The following ATL1 variants were observed in gnomAD, a reference collection of about 807,000 sequenced individuals.
The protein encoded by ATL1 is atlastin GTPase 1.
ATL1 carries 31 observed loss-of-function variants against 75.5 expected under a neutral mutation model. The observed-to-expected ratio is 0.41, with a 90% CI of 0.31 to 0.55. ATL1 has a LOEUF of 0.55. Ranked by LOEUF, ATL1 falls within the 20% of genes least tolerant of loss-of-function variation. The pLI is 0.27. For missense variants in ATL1, 405 were observed against 662.6 expected, an observed-to-expected ratio of 0.61 and a Z score of 4.27; for synonymous variants, 226 against 233.3, an observed-to-expected ratio of 0.97 and a Z score of 0.28.
chr14:50,537,257 G>C (rs964565553), intron 1 of ATL1, among the ~76,000 whole-genome samples: 1 of 152,252 alleles, frequency 6.6e-6, no homozygotes, highest in African/African-American at 2.4e-5. Context: ...AGCCTTGGCA[G>C]CTTCCACGTG....
intron 13 of ATL1, among the ~76,000 whole-genome samples, chr14:50,631,254 C>A (rs2039577103): frequency 6.8e-6 from 1 of 146,144 alleles, no homozygotes. Context: ...AGTGAGATTC[C>A]AACTCAAAAA....
intron 6 of ATL1, among the ~76,000 whole-genome samples, chr14:50,598,316 T>G (rs2039240402): frequency 6.6e-6 from 1 of 152,174 alleles, no homozygotes; most frequent in African/African-American, 2.4e-5. Flanking sequence ...TATGGAAGAA[T>G]TAAGTCTTGT....
intron 6 of ATL1, among the ~76,000 whole-genome samples, chr14:50,601,672 T>G (rs2039273195): frequency 6.6e-6 from 1 of 152,218 alleles, no homozygotes; most frequent in African/African-American, 2.4e-5. Context: ...GTTCTCTAAG[T>G]GACATTAGTT....
At chr14:50,615,681 T>G (rs2039408094) in intron 8 of ATL1, among the ~76,000 whole-genome samples, 1 of 152,216 alleles carries the variant, frequency 6.6e-6, no homozygotes, top group East Asian at 1.9e-4. Flanking sequence ...TCCAACCCAC[T>G]AGTGGATGCA....
rs746330841 is a variant in ATL1 at position 50,613,282 on chromosome 14, C to T, written c.654C>T (p.Asp218=). The change falls in exon 7 of 14, where the codon GAC becomes GAT. Residue 218 remains aspartate (D), a synonymous_variant. Coordinates refer to ENST00000358385, the MANE Select transcript of ATL1 (RefSeq NM_015915.5). ...PFQSLIFLVR[D]WSFPYEFSYG... is the part of the protein sequence containing the mutation. ...AGAGTCTGATATTTCTTGTTCGAGA[C>T]TGGAGTTTCCCATACGAATTTTCAT... 6 of 1,613,108 alleles carry T rather than the reference C, an allele frequency of 3.7e-6. No homozygotes were observed. The East Asian group carries it at 6.7e-5, about 18-fold the overall frequency.
chr14:50,593,814 T>C, intron 4 of ATL1, 32 bp from the exon 5 acceptor site: 1 of 1,435,700 alleles, frequency 7.0e-7, no homozygotes, highest in Non-Finnish European at 9.8e-7. Context: ...ATGCCAGTTA[T>C]CTTATCATTG....
intron 5 of ATL1, 133 bp downstream of exon 5, chr14:50,594,029 G>A: frequency 1.4e-6 from 1 of 708,908 alleles, no homozygotes; most frequent in Non-Finnish European, 2.5e-6. Flanking sequence ...GGCCCAATTA[G>A]CTGCCTGGTA....
chr14:50,558,071 T>C (rs746546182), upstream of ATL1, among the ~76,000 whole-genome samples: 1 of 152,076 alleles, frequency 6.6e-6, no homozygotes, highest in Non-Finnish European at 1.5e-5. Context: ...GGACTCAACA[T>C]AGAAAAGTGG....
intron 1 of ATL1, among the ~76,000 whole-genome samples, chr14:50,567,368 G>A (rs2038914359): frequency 6.6e-6 from 1 of 152,044 alleles, no homozygotes; most frequent in Non-Finnish European, 1.5e-5. Context: ...TTCATCTGTT[G>A]ACAGACACTG....
chr14:50,560,630 C>A (rs2038828614), intron 1 of ATL1: 1 of 380,780 alleles, frequency 2.6e-6, no homozygotes, highest in African/African-American at 2.1e-5. Flanking sequence ...CCTTAGCGAT[C>A]GGTTGGGAGG....
intron 1 of ATL1, among the ~76,000 whole-genome samples, chr14:50,545,579 A>G (rs552119745): frequency 1.3e-5 from 2 of 152,350 alleles, no homozygotes; most frequent in Admixed American, 1.3e-4. Flanking sequence ...GTTAAAGTAC[A>G]ATAAGAATAG....
In ATL1 at chr14:50,627,504, C is replaced by T. The variant is rs755463480; in HGVS notation, c.1120-527C>T. On this transcript the variant is annotated intron_variant, in intron 11 of 13. Coordinates refer to ENST00000358385, the MANE Select transcript of ATL1 (RefSeq NM_015915.5). ...TTATTCAAGAACATTTAATATACTCCTAACTTAGTTTCTGGAAGAAAATAC... is the reference window on the plus strand; with the variant it reads ...TTATTCAAGAACATTTAATATACTCTTAACTTAGTTTCTGGAAGAAAATAC... 7.2e-5 allele frequency among the ~76,000 whole-genome samples: 11 copies of T among 152,256 alleles called. No homozygotes were observed. In the East Asian group the frequency reaches 1.7e-3, roughly 24 times the overall value.
chr14:50,574,942 T>C (rs1260247898), intron 1 of ATL1, among the ~76,000 whole-genome samples: 1 of 76,344 alleles, frequency 1.3e-5, no homozygotes, highest in African/African-American at 5.3e-5. Flanking sequence ...TGTGTGTATA[T>C]ATATATATAT....
intron 1 of ATL1, among the ~76,000 whole-genome samples, chr14:50,544,531 G>A (rs546831468): frequency 4.6e-5 from 7 of 152,280 alleles, no homozygotes; most frequent in African/African-American, 1.7e-4. Flanking sequence ...TATTAACAGG[G>A]TACACAAGAC....
Position 50,590,989 on chromosome 14 carries a change from T to A in ATL1, c.331T>A (p.Ser111Thr). The A allele has an allele frequency of 6.2e-7, 1 of 1,613,958 alleles. No individual in the cohort carries two copies. The highest frequency in any genetic ancestry group is 8.5e-7 in the Non-Finnish European group (1 of 1,179,894). Residue 111 changes from serine (S) to threonine (T), a missense_variant, in exon 3 of 14, where the codon TCA becomes ACA. Coordinates refer to ENST00000358385, the MANE Select transcript of ATL1 (RefSeq NM_015915.5). ...GDYNEPLTGFSWRGGSERETT... is the reference protein window; with the variant it reads ...GDYNEPLTGFTWRGGSERETT... ...CTACAATGAACCATTGACTGGTTTTTCATGGAGAGGTGGATCTGAGCGAGA... is the reference window on the plus strand; with the variant it reads ...CTACAATGAACCATTGACTGGTTTTACATGGAGAGGTGGATCTGAGCGAGA...
intron 1 of ATL1, among the ~76,000 whole-genome samples, chr14:50,570,266 A>G (rs1411357407): frequency 6.6e-6 from 1 of 152,048 alleles, no homozygotes; most frequent in East Asian, 1.9e-4. Context: ...CAATGACTTG[A>G]TAATTTCTAT....
At chr14:50,620,775 T>C (rs759502574) in intron 9 of ATL1, 49 bp downstream of exon 9, 6 of 1,604,340 alleles carry the variant, frequency 3.7e-6, no homozygotes, top group Non-Finnish European at 5.1e-6. Flanking sequence ...TGACATATAT[T>C]GGATCGTAAT....
chr14:50,628,028 C>T lies in ATL1; in HGVS notation c.1120-3C>T. On this transcript the variant is annotated splice_polypyrimidine_tract_variant and splice_region_variant and intron_variant, in intron 11 of 13. Transcript: ENST00000358385. Reference sequence around the variant, plus strand: ...TAAACAAATACTTCTCTATCTGATACAGATTTGTGGTGGTGACAAACCATT... The same window carrying T: ...TAAACAAATACTTCTCTATCTGATATAGATTTGTGGTGGTGACAAACCATT... 6.2e-7 allele frequency: 1 copy of T among 1,614,088 alleles called. No homozygotes were observed. Among genetic ancestry groups the T allele is most frequent in the East Asian group, 2.2e-5 (1 of 44,884 alleles).
chr14:50,595,381 C>T (rs548479570), intron 5 of ATL1, among the ~76,000 whole-genome samples, 195 bp from the exon 6 acceptor site: 4 of 152,134 alleles, frequency 2.6e-5, no homozygotes, highest in Admixed American at 6.5e-5. Context: ...ATCTAATTGC[C>T]ATGGCTCTGC....
Sources: gnomAD v4.1 joint callset for allele counts (sites outside exome capture counted in the v4.1 genomes callset) on GRCh38, gnomAD v4.1.1 for gene constraint, MANE v1.5 for transcripts, NCBI Gene and HGNC (gene_info 2026-07-23, HGNC 2026-07-21) for gene names.